Variants in CALN1 observed in about 807,000 individuals in gnomAD.
The protein encoded by CALN1 is calcium-binding protein 8.
CALN1 carries 17 observed loss-of-function variants against 30.6 expected under a neutral mutation model. The ratio of observed to expected loss-of-function variants is 0.56; its 90% CI spans 0.38 to 0.83. CALN1 has a LOEUF of 0.83. CALN1 is among the 40% of genes least tolerant of loss of function. The pLI is 0.00. For missense variants in CALN1, 291 were observed against 354.9 expected (o/e 0.82, Z 1.45); for synonymous variants, 156 against 131.4 (o/e 1.19, Z -1.28).
chr7:71,989,430 T>G (rs1351516536), intron 5 of CALN1, among the ~76,000 whole-genome samples: 2 of 142,702 alleles, frequency 1.4e-5, no homozygotes, highest in African/African-American at 5.5e-5. Flanking sequence ...CGGAGTGAGA[T>G]TCCATCTATT....
At chr7:72,394,152 T>G (rs1172391857) in intron 2 of CALN1, among the ~76,000 whole-genome samples, 1 of 152,176 alleles carries the variant, frequency 6.6e-6, no homozygotes, top group African/African-American at 2.4e-5. Context: ...TTTTTCATCA[T>G]GAAGACACTT....
At chr7:72,093,321 A>T (rs1805998820) in intron 4 of CALN1, among the ~76,000 whole-genome samples, 1 of 152,170 alleles carries the variant, frequency 6.6e-6, no homozygotes, top group African/African-American at 2.4e-5. Flanking sequence ...AATTTCCTAT[A>T]TTTCACATAG....
At chr7:72,367,498 G>A (rs1803946393) in intron 2 of CALN1, among the ~76,000 whole-genome samples, 1 of 152,042 alleles carries the variant, frequency 6.6e-6, no homozygotes, top group Non-Finnish European at 1.5e-5. Context: ...GGTGGTGCAT[G>A]CCTGTGATCC....
chr7:71,977,631 T>C (rs1798164589), intron 5 of CALN1, among the ~76,000 whole-genome samples: 1 of 151,792 alleles, frequency 6.6e-6, no homozygotes, highest in African/African-American at 2.4e-5. Flanking sequence ...CCACAGTGCT[T>C]ACAAAAAGCA....
intron 5 of CALN1, among the ~76,000 whole-genome samples, chr7:71,887,116 C>G (rs1382309765): frequency 6.6e-6 from 1 of 151,884 alleles, no homozygotes; most frequent in Non-Finnish European, 1.5e-5. Flanking sequence ...GGTTGGGGAG[C>G]GCCGAGGGAT....
At chr7:71,827,481 A>G (rs541647342) in intron 5 of CALN1, among the ~76,000 whole-genome samples, 7 of 152,258 alleles carry the variant, frequency 4.6e-5, no homozygotes, top group African/African-American at 1.7e-4. Context: ...TAAGAAACAA[A>G]AGAGTGAGGA....
intron 5 of CALN1, among the ~76,000 whole-genome samples, chr7:72,021,043 G>A (rs986311891): frequency 6.6e-6 from 1 of 152,156 alleles, no homozygotes; most frequent in Non-Finnish European, 1.5e-5. Flanking sequence ...GGCCAAGGCA[G>A]GAAGATTGCT....
At chr7:71,942,941 T>C (rs1257069505) in intron 5 of CALN1, among the ~76,000 whole-genome samples, 1 of 152,190 alleles carries the variant, frequency 6.6e-6, no homozygotes, top group East Asian at 1.9e-4. Context: ...ACCGTTTGTG[T>C]ATCACTTGTC....
Position 72,299,710 on chromosome 7 carries a change from T to A in CALN1, c.120-20900A>T, listed in dbSNP as rs10278211. 7.4e-3 allele frequency among the ~76,000 whole-genome samples: 1,022 copies of A among 137,600 alleles called. 6 individuals carry two copies. The highest frequency in any genetic ancestry group is 0.015 in the African/African-American group (545 of 37,112). The allele number at this position is 137,600 out of a possible 152,430, so 90.3% of individuals were successfully genotyped here. On this transcript the variant is annotated intron_variant, in intron 2 of 6. Coordinates refer to ENST00000395275, the MANE Select transcript of CALN1 (RefSeq NM_031468.4). ...TTATCTTTTTTTTTTTTTTTTTTTT[T>A]AAAAAGAGAGACTGAGGTCCTGCTG...
At chr7:71,838,988 TC>T (rs1276550390) in intron 5 of CALN1, among the ~76,000 whole-genome samples, 4 of 152,130 alleles carry the variant, frequency 2.6e-5, no homozygotes, top group African/African-American at 9.7e-5. Flanking sequence ...TTTAAAATTT[TC>T]TTTAGAGAGA....
chr7:72,039,673 G>A (rs560387468), intron 4 of CALN1, among the ~76,000 whole-genome samples: 15 of 152,324 alleles, frequency 9.8e-5, no homozygotes, highest in Non-Finnish European at 1.9e-4. Flanking sequence ...CTGTGCAGCT[G>A]TGGTTTCTAG....
intron 3 of CALN1, among the ~76,000 whole-genome samples, chr7:72,189,428 C>T (rs1461887682): frequency 6.6e-6 from 1 of 152,122 alleles, no homozygotes; most frequent in Non-Finnish European, 1.5e-5. Context: ...AATTATAAAG[C>T]TTTAGTTAGG....
At chr7:71,930,561 C>T (rs1795499703) in intron 5 of CALN1, among the ~76,000 whole-genome samples, 1 of 152,172 alleles carries the variant, frequency 6.6e-6, no homozygotes, top group African/African-American at 2.4e-5. Flanking sequence ...TTTTAATACA[C>T]TTTTTAATTT....
At chr7:72,434,751 A>G (rs1038467619) in intron 1 of CALN1, among the ~76,000 whole-genome samples, 2 of 152,190 alleles carry the variant, frequency 1.3e-5, no homozygotes, top group Admixed American at 1.3e-4. Flanking sequence ...TGTCTCTGAA[A>G]ACGAGTAAAC....
chr7:72,041,532 C>T (rs1196263311), intron 4 of CALN1, among the ~76,000 whole-genome samples: 1 of 152,040 alleles, frequency 6.6e-6, no homozygotes, highest in Non-Finnish European at 1.5e-5. Flanking sequence ...AACAGGTGCA[C>T]ACCACCATAC....
intron 5 of CALN1, among the ~76,000 whole-genome samples, chr7:71,831,171 T>C (rs971291830): frequency 2.0e-5 from 3 of 152,000 alleles, no homozygotes; most frequent in African/African-American, 7.3e-5. Context: ...ATACATTTAA[T>C]AGATAATCCT....
chr7:72,325,144 T>A (rs910769934), intron 2 of CALN1, among the ~76,000 whole-genome samples: 1 of 150,012 alleles, frequency 6.7e-6, no homozygotes, highest in African/African-American at 2.5e-5. Context: ...TACAAAAAAA[T>A]TTTAAAAGTA....
At chr7:71,976,081 G>A (rs919497811) in intron 5 of CALN1, among the ~76,000 whole-genome samples, 2 of 151,860 alleles carry the variant, frequency 1.3e-5, no homozygotes, top group African/African-American at 4.8e-5. Flanking sequence ...AGACTGAGAG[G>A]ATTCTCAAGA....
chr7:71,798,690 C>T (rs60147272), intron 6 of CALN1, among the ~76,000 whole-genome samples: 23,166 of 144,806 alleles, frequency 0.16, 2,832 homozygotes, highest in African/African-American at 0.34. Context: ...GGTGTGATCT[C>T]GGCTCACTGC....
Sources: allele counts gnomAD v4.1 joint callset (sites outside exome capture counted in the v4.1 genomes callset), GRCh38; gene constraint gnomAD v4.1.1; transcripts MANE v1.5; gene names NCBI Gene and HGNC (gene_info 2026-07-23, HGNC 2026-07-21).